The following ATP7B variants were observed in gnomAD, a reference collection of about 807,000 sequenced individuals.
ATP7B encodes ATPase copper transporting beta.
ATP7B carries 113 observed loss-of-function variants against 118.9 expected under a neutral mutation model. The observed-to-expected ratio is 0.95, with a 90% CI of 0.82 to 1.11. ATP7B has a LOEUF of 1.11. Among genes scored for constraint, ATP7B ranks in the 50% most tolerant of loss-of-function variants. ATP7B has a pLI of 0.00. For synonymous variants in ATP7B, 777 were observed against 727.4 expected (o/e 1.07, Z -1.10); for missense variants, 1,867 against 1,871.4 (o/e 1.00, Z 0.04).
intron 1 of ATP7B, among the ~76,000 whole-genome samples, chr13:51,984,299 C>G (rs1320648774): frequency 1.3e-5 from 2 of 151,760 alleles, no homozygotes; most frequent in African/African-American, 4.8e-5. Context: ...ATCGATCAAG[C>G]AGAAGAAAGA....
In ATP7B at chr13:51,974,613, C is replaced by A; in HGVS notation, c.607G>T (p.Asp203Tyr). The A allele has an allele frequency of 6.2e-7, 1 of 1,613,612 alleles. No individual in the cohort carries two copies. The highest frequency in any genetic ancestry group is 1.1e-5 in the South Asian group (1 of 91,048). The change falls in exon 2 of 21, where the codon GAC becomes TAC. Residue 203 changes from aspartate (D) to tyrosine (Y), a missense_variant. By Grantham distance (160) the Asp-to-Tyr change is radical. Coordinates refer to ENST00000242839, the MANE Select transcript of ATP7B (RefSeq NM_000053.4). Reference protein sequence around the residue: ...QPEDLRDHVNDMGFEAAIKSK... With the variant: ...QPEDLRDHVNYMGFEAAIKSK... Reference sequence around the variant, plus strand: ...TTGATGGCAGCTTCAAATCCCATGTCATTTACATGGTCCCTGAGGTCTTCG... The same window carrying A: ...TTGATGGCAGCTTCAAATCCCATGTAATTTACATGGTCCCTGAGGTCTTCG...
chr13:51,979,525 C>T (rs987809927), intron 1 of ATP7B, among the ~76,000 whole-genome samples: 2 of 152,118 alleles, frequency 1.3e-5, no homozygotes, highest in Non-Finnish European at 2.9e-5. Flanking sequence ...AGACTCAGAA[C>T]AGTGACTTGA....
intron 14 of ATP7B, 110 bp from the exon 15 acceptor site, chr13:51,942,664 G>C (rs1300346822): frequency 1.3e-5 from 18 of 1,363,418 alleles, no homozygotes; most frequent in Non-Finnish European, 1.7e-5. Context: ...GAGAGCAGCG[G>C]AAAGCGGGAA....
rs1952018579 is a variant in ATP7B at position 51,974,686 on chromosome 13, G to T, written c.534C>A (p.Leu178=). The change falls in exon 2 of 21, where the codon CTC becomes CTA. Residue 178 remains leucine (L), a synonymous_variant. Coordinates refer to ENST00000242839, the MANE Select transcript of ATP7B (RefSeq NM_000053.4). ...LQGVVRVKVS[L]SNQEAVITYQ... is the part of the protein sequence containing the mutation. ...AAGTGATGACGGCCTCTTGGTTGCT[G>T]AGTGAGACTTTGACTCTCACTACTC... 2 of 1,611,528 alleles carry T rather than the reference G, an allele frequency of 1.2e-6. No individual in the cohort carries two copies. The highest frequency in any genetic ancestry group is 2.7e-5 in the African/African-American group (2 of 74,972).
rs2139056946 is a variant in ATP7B at position 51,946,386 on chromosome 13, G to C, written c.2958C>G (p.Ser986=). 2 of 1,613,970 alleles carry C rather than the reference G, an allele frequency of 1.2e-6. No individual in the cohort carries two copies. The highest frequency in any genetic ancestry group is 1.7e-6 in the Non-Finnish European group (2 of 1,180,036). The part of the protein sequence containing the change: ...ITVLCIACPC[S]LGLATPTAVM... ...CAGCCGTGGGCGTGGCCAGCCCCAG[G>C]GAGCAGGGGCAGGCAATGCACAGCA... is the stretch of plus-strand genomic sequence containing the variant. Residue 986 remains serine, a synonymous_variant, in exon 13 of 21, where the codon TCC becomes TCG. Transcript: ENST00000242839.
At chr13:51,944,003 C>T in intron 14 of ATP7B, 106 bp downstream of exon 14, 2 of 1,462,188 alleles carry the variant, frequency 1.4e-6, no homozygotes, top group Non-Finnish European at 1.9e-6. Context: ...AGTGGTTTTC[C>T]AGACCACACA....
chr13:51,944,841 G>T (rs988354771), intron 13 of ATP7B, among the ~76,000 whole-genome samples: 1 of 152,184 alleles, frequency 6.6e-6, no homozygotes, highest in African/African-American at 2.4e-5. Context: ...AGTCTGCAGA[G>T]TCCCCACACC....
intron 7 of ATP7B, 149 bp downstream of exon 7, chr13:51,959,999 A>T: frequency 8.8e-7 from 1 of 1,136,096 alleles, no homozygotes; most frequent in Non-Finnish European, 1.3e-6. Context: ...GAGAGAAAAA[A>T]AGCAGCAACT....
chr13:51,954,670 G>A (rs1379912751), intron 9 of ATP7B, among the ~76,000 whole-genome samples: 4 of 152,132 alleles, frequency 2.6e-5, no homozygotes, highest in African/African-American at 9.7e-5. Context: ...CTGGCATGAG[G>A]GTACCTTTGC....
Position 52,011,423 on chromosome 13 carries a change from T to C in ATP7B, c.-86A>G. The C allele has an allele frequency of 1.3e-6, 2 of 1,581,876 alleles. No homozygotes were observed. Among genetic ancestry groups the C allele is most frequent in the Non-Finnish European group, 1.7e-6 (2 of 1,153,258 alleles). ...GGTGGAGGAGAGCGGGGTGTTAAAGTCCCGGGAGAGGAGGCGCAGAGTGTG... is the reference window on the plus strand; with the variant it reads ...GGTGGAGGAGAGCGGGGTGTTAAAGCCCCGGGAGAGGAGGCGCAGAGTGTG... On this transcript the variant is annotated 5_prime_UTR_variant, in exon 1 of 21. Transcript: ENST00000242839.
rs1383823968 is a variant in ATP7B at position 51,964,860 on chromosome 13, T to C, written c.1869+12A>G. 2.5e-6 allele frequency: 4 copies of C among 1,612,832 alleles called. No homozygotes were observed. The highest frequency in any genetic ancestry group is 1.7e-6 in the Non-Finnish European group (2 of 1,178,954). ...TAAAAAGGTGACTACAATTTTTTAA[T>C]GAATTACTTACCTCAATAATTTTGA... On this transcript the variant is annotated intron_variant, in intron 5 of 20. Coordinates refer to ENST00000242839, the MANE Select transcript of ATP7B (RefSeq NM_000053.4).
intron 5 of ATP7B, 26 bp downstream of exon 5, chr13:51,964,846 C>A: frequency 3.1e-6 from 5 of 1,609,056 alleles, no homozygotes; most frequent in Non-Finnish European, 4.3e-6. Context: ...AAAAAGGTGA[C>A]TACAATTTTT....
In ATP7B at chr13:51,934,188, G is replaced by C. The variant is rs1956834241; in HGVS notation, c.*568C>G. On this transcript the variant is annotated 3_prime_UTR_variant, in exon 21 of 21. Transcript: ENST00000242839. ...GTCCCACCCTCCCAGGTGACAGGCA[G>C]GGTTGCGAGGGGTCCCCACTGACAA... 5.5e-6 allele frequency: 1 copy of C among 182,836 alleles called. No homozygotes were observed. The highest frequency in any genetic ancestry group is 2.3e-5 in the African/African-American group (1 of 42,702). The allele number at this position is 182,836 out of a possible 1,614,324, so 11.3% of individuals were successfully genotyped here. A position where few individuals can be genotyped will look rare whatever the true frequency, so the allele number is the denominator to read the frequency against.
chr13:51,948,314 G>A (rs1957789343), intron 12 of ATP7B, among the ~76,000 whole-genome samples: 2 of 151,942 alleles, frequency 1.3e-5, no homozygotes, highest in Admixed American at 6.6e-5. Flanking sequence ...TCACAGGCAC[G>A]ATCATAGCAC....
intron 8 of ATP7B, chr13:51,958,005 A>G (rs1022983631): frequency 6.2e-6 from 3 of 483,666 alleles, no homozygotes; most frequent in Non-Finnish European, 1.1e-5. Flanking sequence ...GGATGTCTAG[A>G]CCAACTACAT....
intron 4 of ATP7B, among the ~76,000 whole-genome samples, chr13:51,965,855 C>T (rs1334314135): frequency 2.6e-5 from 4 of 152,170 alleles, no homozygotes; most frequent in Non-Finnish European, 2.9e-5. Flanking sequence ...AATGATGTGA[C>T]TGGAGCTGCA....
intron 8 of ATP7B, chr13:51,957,810 G>T: frequency 1.7e-6 from 1 of 599,708 alleles, no homozygotes; most frequent in South Asian, 1.9e-5. Flanking sequence ...CACAGTGCCT[G>T]TGCCACTAAA....
intron 1 of ATP7B, among the ~76,000 whole-genome samples, chr13:51,985,013 T>C (rs540197184): frequency 6.6e-6 from 1 of 152,272 alleles, no homozygotes; most frequent in African/African-American, 2.4e-5. Flanking sequence ...CATCAACTAA[T>C]AGCCAAAATA....
chr13:51,974,922 C>T lies in ATP7B; in HGVS notation c.298G>A (p.Val100Met), dbSNP rs1952031151. Residue 100 changes from valine to methionine, a missense_variant, in exon 2 of 21, where the codon GTG (valine) becomes ATG (methionine). Physicochemically the swap from Val to Met is conservative, Grantham distance 21. Coordinates refer to ENST00000242839, the MANE Select transcript of ATP7B (RefSeq NM_000053.4). ...KVSLEQGSAT[V>M]KYVPSVVCLQ... ...CACACAACCGATGGCACATATTTCA[C>T]AGTGGCACTGCCTTGTTCCAGGGAA... 1 of 1,614,120 alleles carries T rather than the reference C, an allele frequency of 6.2e-7. No homozygotes were observed.
Sources: gnomAD v4.1 joint callset for allele counts (sites outside exome capture counted in the v4.1 genomes callset) on GRCh38, gnomAD v4.1.1 for gene constraint, MANE v1.5 for transcripts, NCBI Gene and HGNC (gene_info 2026-07-23, HGNC 2026-07-21) for gene names.